CIT: variants seen among roughly 807,000 people sequenced by gnomAD.
The protein encoded by CIT is citron rho-interacting serine/threonine kinase, also known as citron Rho-interacting kinase.
A neutral mutation model predicts 272.7 loss-of-function variants in CIT; 79 were observed. The ratio of observed to expected loss-of-function variants is 0.29; its 90% CI spans 0.24 to 0.35. The LOEUF (loss-of-function observed/expected upper bound fraction) is 0.35, where lower values mean the gene tolerates loss of function less well. Ranked by LOEUF, CIT falls within the 10% of genes least tolerant of loss-of-function variation. CIT has a pLI of 1.00. For missense variants in CIT, 1,909 were observed against 2,618.3 expected (o/e 0.73, Z 5.91); for synonymous variants, 948 against 995.6 (o/e 0.95, Z 0.90).
intron 3 of CIT, among the ~76,000 whole-genome samples, chr12:119,861,996 T>G (rs1017984568): frequency 1.8e-4 from 25 of 138,774 alleles, no homozygotes; most frequent in Admixed American, 4.1e-4. Flanking sequence ...TTAGTTGGTT[T>G]GTTTGTTTGT....
intron 44 of CIT, 51 bp from the exon 45 acceptor site, chr12:119,698,105 G>C: frequency 6.5e-7 from 1 of 1,546,780 alleles, no homozygotes; most frequent in Non-Finnish European, 8.9e-7. Flanking sequence ...GGTGAAAAGA[G>C]GGAAAATCAA....
Position 119,701,526 on chromosome 12 carries a change from T to A in CIT, c.5542+98A>T, listed in dbSNP as rs559099333. 54 of 1,411,168 alleles carry A rather than the reference T, an allele frequency of 3.8e-5. No individual in the cohort carries two copies. The African/African-American group carries it at 6.5e-4, about 17-fold the overall frequency. 87.4% of individuals were successfully genotyped at this position (1,411,168 alleles called of 1,614,324 possible). A position where few individuals can be genotyped will look rare whatever the true frequency, so the allele number is the denominator to read the frequency against. ...CATTCTCTGTACCCCTAGTCAAACC[T>A]ATCCTGCCCCAGAGCTCCATGTACC... On this transcript the variant is annotated intron_variant, in intron 43 of 47. Transcript: ENST00000392521.
At chr12:119,708,341 T>C in intron 39 of CIT, 23 bp from the exon 40 acceptor site, 1 of 1,547,656 alleles carries the variant, frequency 6.5e-7, no homozygotes, top group Non-Finnish European at 8.7e-7. Context: ...AGGAACAACC[T>C]CTCGTCAGTG....
intron 5 of CIT, among the ~76,000 whole-genome samples, chr12:119,835,176 G>C (rs1023486531): frequency 3.3e-5 from 5 of 152,230 alleles, no homozygotes; most frequent in African/African-American, 4.8e-5. Flanking sequence ...AAACAGGTGT[G>C]ATATTCCTGA....
chr12:119,698,095 G>A (rs375009665), intron 44 of CIT, 41 bp from the exon 45 acceptor site: 2 of 1,567,846 alleles, frequency 1.3e-6, no homozygotes, highest in African/African-American at 1.4e-5. Context: ...GCCAAAGAAT[G>A]GTGAAAAGAG....
rs567182085 is a variant in CIT, at chr12:119,768,038, A to G, written c.2209-856T>C. The stretch of plus-strand genomic sequence containing the variant: ...GCAATTCTCATGTCTCAGTCTCCCA[A>G]GTAGCTGGGATTATAGGCATGCGCC... On this transcript the variant is annotated intron_variant, in intron 18 of 47. Coordinates refer to ENST00000392521, the MANE Select transcript of CIT (RefSeq NM_001206999.2). This position sits in a 1 kb window ranked among gnomAD's most constrained non-coding sequence, Gnocchi z 4.3. Among the ~76,000 whole-genome samples, 41 of 151,962 alleles carry G rather than the reference A, an allele frequency of 2.7e-4. No individual in the cohort carries two copies. Among genetic ancestry groups the G allele is most frequent in the Non-Finnish European group, 4.7e-4 (32 of 67,974 alleles).
chr12:119,834,643 A>C (rs1968871637), intron 5 of CIT, among the ~76,000 whole-genome samples: 1 of 152,338 alleles, frequency 6.6e-6, no homozygotes, highest in Middle Eastern at 3.4e-3. Flanking sequence ...GCTTGCAATA[A>C]ATGTGATACA....
At chr12:119,742,387 C>T (rs758585424) in intron 24 of CIT, 24 bp downstream of exon 24, 3 of 1,554,276 alleles carry the variant, frequency 1.9e-6, no homozygotes, top group Middle Eastern at 1.7e-4. Flanking sequence ...TTATTTTAAT[C>T]GTCTTTGGGT....
intron 5 of CIT, among the ~76,000 whole-genome samples, chr12:119,847,451 G>A (rs1969898338): frequency 6.6e-6 from 1 of 151,998 alleles, no homozygotes; most frequent in South Asian, 2.1e-4. Context: ...AAAATTAGCT[G>A]GGCACGGTGG....
intron 10 of CIT, among the ~76,000 whole-genome samples, chr12:119,792,670 C>T (rs2137787919): frequency 6.6e-6 from 1 of 152,276 alleles, no homozygotes; most frequent in African/African-American, 2.4e-5. Flanking sequence ...TGGGGTTTCA[C>T]CACCCCGTTG....
At chr12:119,838,336 G>A (rs1202336990) in intron 5 of CIT, among the ~76,000 whole-genome samples, 3 of 152,182 alleles carry the variant, frequency 2.0e-5, no homozygotes, top group African/African-American at 7.2e-5. Context: ...GTCTCCCAAT[G>A]TGCTGGGATT....
rs780952243 is a variant in CIT at position 119,721,460 on chromosome 12, G to C, written c.3592-11C>G. ...CTGTAATTTGGCTTGCTAGTGGGGAGAAGGGCCAGGGAAATGCTTGATACT... is the reference window on the plus strand; with the variant it reads ...CTGTAATTTGGCTTGCTAGTGGGGACAAGGGCCAGGGAAATGCTTGATACT... On this transcript the variant is annotated splice_polypyrimidine_tract_variant and intron_variant, in intron 28 of 47. Transcript: ENST00000392521. The C allele has an allele frequency of 6.3e-7, 1 of 1,598,626 alleles. No individual in the cohort carries two copies. The highest frequency in any genetic ancestry group is 8.6e-7 in the Non-Finnish European group (1 of 1,167,528).
At chr12:119,796,841 A>G (rs751385182) in intron 10 of CIT, among the ~76,000 whole-genome samples, 106 of 152,346 alleles carry the variant, frequency 7.0e-4, no homozygotes, top group Non-Finnish European at 1.4e-3. Context: ...AGTGTCCATA[A>G]TACAGAAGAG....
rs141266593 is a variant in CIT at position 119,802,889 on chromosome 12, G to T, written c.1295+317C>A. ...ACTCCTGCACATTTCTCCTTTGACCGGGGATCTGCACTGCTGGAAATCTCC... is the reference window on the plus strand; with the variant it reads ...ACTCCTGCACATTTCTCCTTTGACCTGGGATCTGCACTGCTGGAAATCTCC... On this transcript the variant is annotated intron_variant, in intron 10 of 47. Coordinates refer to ENST00000392521, the MANE Select transcript of CIT (RefSeq NM_001206999.2). 2.7e-4 allele frequency among the ~76,000 whole-genome samples: 41 copies of T among 152,184 alleles called. 1 individual carries two copies. The highest frequency in any genetic ancestry group is 9.9e-4 in the African/African-American group (41 of 41,524).
In CIT at chr12:119,712,509, T is replaced by C. The variant is rs1163531997; in HGVS notation, c.4684+82A>G. The C allele has an allele frequency of 3.5e-6, 5 of 1,443,284 alleles. No homozygotes were observed. The African/African-American group carries it at 7.0e-5, about 20-fold the overall frequency. 89.4% of individuals were successfully genotyped at this position (1,443,284 alleles called of 1,614,324 possible). On this transcript the variant is annotated intron_variant, in intron 36 of 47. Coordinates refer to ENST00000392521, the MANE Select transcript of CIT (RefSeq NM_001206999.2). This position sits in a 1 kb window ranked among gnomAD's most constrained non-coding sequence, Gnocchi z 5.2. ...TGGGCCTCCTTTGCAGAGCCAATCT[T>C]CCCTGTACCACCCCTTCTGTCCCTG...
intron 8 of CIT, 50 bp downstream of exon 8, chr12:119,825,115 T>A: frequency 2.6e-6 from 4 of 1,550,866 alleles, no homozygotes; most frequent in Non-Finnish European, 2.7e-6. Context: ...CGCACAATTT[T>A]TAAATAACGT....
intron 27 of CIT, among the ~76,000 whole-genome samples, chr12:119,729,858 T>C (rs1958334095): frequency 6.6e-6 from 1 of 152,262 alleles, no homozygotes; most frequent in African/African-American, 2.4e-5. Context: ...TGCATCTGTG[T>C]GTTCATACAT....
intron 1 of CIT, among the ~76,000 whole-genome samples, chr12:119,876,657 C>A (rs1950857697): frequency 6.6e-6 from 1 of 152,138 alleles, no homozygotes; most frequent in African/African-American, 2.4e-5. Context: ...CACTGAGAAG[C>A]CACCATTTGA....
At chr12:119,807,761 C>A (rs1966691874) in intron 9 of CIT, among the ~76,000 whole-genome samples, 1 of 151,932 alleles carries the variant, frequency 6.6e-6, no homozygotes, top group Non-Finnish European at 1.5e-5. Context: ...TAATAAGTAC[C>A]TACACTAATC....
Sources: gnomAD v4.1 joint callset for allele counts (sites outside exome capture counted in the v4.1 genomes callset) on GRCh38, gnomAD v4.1.1 for gene constraint, Gnocchi (gnomAD v3.1) non-coding constraint, MANE v1.5 for transcripts, NCBI Gene and HGNC (gene_info 2026-07-23, HGNC 2026-07-21) for gene names.